TBX20: variants seen among roughly 807,000 people sequenced by gnomAD.
TBX20 encodes T-box transcription factor TBX20.
In TBX20, 8 loss-of-function variants were observed where a neutral mutation model predicts 42.9. The ratio of observed to expected loss-of-function variants is 0.19; its 90% confidence interval spans 0.11 to 0.34. TBX20 has a LOEUF of 0.34. Among genes scored for constraint, TBX20 ranks in the 10% least tolerant of loss-of-function variants. The pLI, the probability that TBX20 is intolerant of heterozygous loss-of-function variation, is 1.00. For synonymous variants in TBX20, 198 were observed against 222.8 expected, an observed-to-expected ratio of 0.89 and a Z score of 0.99; for missense variants, 411 against 566.0, an observed-to-expected ratio of 0.73 and a Z score of 2.78.
At chr7:35,225,869 T>C (rs1247652812) in intron 6 of TBX20, among the ~76,000 whole-genome samples, 1 of 152,174 alleles carries the variant, frequency 6.6e-6, no homozygotes, top group African/African-American at 2.4e-5. Flanking sequence ...CGATTGGGAT[T>C]TGCCATATCA....
chr7:35,210,821 G>A (rs1218677063), intron 6 of TBX20, among the ~76,000 whole-genome samples: 2 of 151,930 alleles, frequency 1.3e-5, no homozygotes, highest in Non-Finnish European at 2.9e-5. Context: ...ATATAATCAG[G>A]TCTTACTTTT....
intron 6 of TBX20, among the ~76,000 whole-genome samples, chr7:35,208,772 A>AAAAAAAAAAAAAAAAAC (rs1789444998): frequency 7.1e-6 from 1 of 140,682 alleles, no homozygotes; most frequent in Non-Finnish European, 1.6e-5. Flanking sequence ...AAAAAAAAAA[A>AAAAAAAAAAAAAAAAAC]AAAAAAAAAA....
intron 6 of TBX20, among the ~76,000 whole-genome samples, chr7:35,213,877 C>CAAAAAAAAA (rs59548164): frequency 2.5e-4 from 15 of 59,738 alleles, no homozygotes; most frequent in African/African-American, 7.4e-4. Context: ...GCAGAGATAG[C>CAAAAAAAAA]AAAAAAAAAA....
chr7:35,231,461 T>G, intron 6 of TBX20, 43 bp downstream of exon 6: 1 of 1,408,698 alleles, frequency 7.1e-7, no homozygotes, highest in Non-Finnish European at 1.0e-6. Flanking sequence ...CCTCTTCTCT[T>G]GATCTTATCT....
intron 3 of TBX20, among the ~76,000 whole-genome samples, chr7:35,245,339 T>TGTGTGC: frequency 6.6e-6 from 1 of 151,802 alleles, no homozygotes. Flanking sequence ...TGTGTGTGTG[T>TGTGTGC]GTGTGTGTGT....
chr7:35,216,802 G>A (rs1789598751), intron 6 of TBX20, among the ~76,000 whole-genome samples: 1 of 152,080 alleles, frequency 6.6e-6, no homozygotes, highest in Non-Finnish European at 1.5e-5. Flanking sequence ...TGTTCAAAGA[G>A]AAAATGTCAA....
At position 35,227,598 on chromosome 7, in the gene TBX20, G is replaced by A. The variant is rs1478229047; in HGVS notation, c.890+3906C>T. ...CAATAGGCCATACCAAATAGCCTAC[G>A]TGTGTAGTAGGCTGTACCATCTGGG... On this transcript the variant is annotated intron_variant, in intron 6 of 7. Coordinates refer to ENST00000408931, the MANE Select transcript of TBX20 (RefSeq NM_001077653.2). Among the ~76,000 whole-genome samples, 2 of 152,100 alleles carry A rather than the reference G, an allele frequency of 1.3e-5. 1 individual carries two copies. Among genetic ancestry groups the A allele is most frequent in the East Asian group, 3.9e-4 (2 of 5,186 alleles).
chr7:35,244,848 A>T, intron 4 of TBX20, 101 bp downstream of exon 4: 1 of 797,638 alleles, frequency 1.3e-6, no homozygotes, highest in East Asian at 2.6e-5. Flanking sequence ...GAAGGTGGGA[A>T]GGGGATAGGG....
chr7:35,225,927 T>A (rs888313297), intron 6 of TBX20, among the ~76,000 whole-genome samples: 3 of 152,240 alleles, frequency 2.0e-5, no homozygotes, highest in African/African-American at 7.2e-5. Flanking sequence ...TACAACCATA[T>A]GATACTGGCA....
In TBX20 at chr7:35,218,087, TAA is replaced by T. The variant is rs201593817; in HGVS notation, c.890+13415_890+13416del. On this transcript the variant is annotated intron_variant, in intron 6 of 7. Transcript: ENST00000408931. ...ATTTTATGCATGCAGACTTTTATAC[TAA>T]GTCTATCTTTGCAAAAGATTTAAAG... Among the ~76,000 whole-genome samples the T allele has an allele frequency of 3.5e-4, 54 of 152,322 alleles. 1 individual carries two copies. In the East Asian group the frequency reaches 9.3e-3, roughly 26 times the overall value.
intron 6 of TBX20, among the ~76,000 whole-genome samples, chr7:35,231,189 C>T (rs571903036): frequency 9.1e-4 from 139 of 152,270 alleles, no homozygotes; most frequent in African/African-American, 3.1e-3. Flanking sequence ...TATAGACTGC[C>T]ACTCATTGAG....
intron 6 of TBX20, among the ~76,000 whole-genome samples, chr7:35,215,175 C>G (rs1789563111): frequency 6.6e-6 from 1 of 152,134 alleles, no homozygotes; most frequent in South Asian, 2.1e-4. Context: ...ATTACTTACG[C>G]TAGTCTCTAG....
Position 35,253,890 on chromosome 7 carries a change from G to A in TBX20, c.-270C>T, listed in dbSNP as rs1428745493. The A allele has an allele frequency of 2.1e-6, 1 of 471,524 alleles. No individual in the cohort carries two copies. The highest frequency in any genetic ancestry group is 3.8e-6 in the Non-Finnish European group (1 of 261,704). 29.2% of individuals were successfully genotyped at this position (471,524 alleles called of 1,614,324 possible). A position where few individuals can be genotyped will look rare whatever the true frequency, so the allele number is the denominator to read the frequency against. ...CTACGGCGGGTGCGCACGCCCCGGG[G>A]CGCTCGGCAGGACGACAGTCTGCAC... is the stretch of plus-strand genomic sequence containing the variant. On this transcript the variant is annotated 5_prime_UTR_variant, in exon 1 of 8. Transcript: ENST00000408931.
rs759589726 is a variant in TBX20, at chr7:35,249,977, G to A, written c.354C>T (p.Thr118=). The A allele has an allele frequency of 9.9e-6, 16 of 1,609,420 alleles. No individual in the cohort carries two copies. In the Admixed American group the frequency reaches 1.3e-4, roughly 13 times the overall value. The change falls in exon 2 of 8, where the codon ACC becomes ACT. Residue 118 remains threonine, a synonymous_variant. Coordinates refer to ENST00000408931, the MANE Select transcript of TBX20 (RefSeq NM_001077653.2). The surrounding 1 kb of genome is among the most constrained non-coding windows in gnomAD (Gnocchi z 4.3). ...TGCCCGACTTGGTGATGATCATCTC[G>A]GTGCCCAGCTCATGGAATTTGTCCC... ...ELWDKFHELG[T]EMIITKSGRR...
chr7:35,242,675 G>C (rs146218676), intron 4 of TBX20, among the ~76,000 whole-genome samples: 92 of 152,166 alleles, frequency 6.0e-4, no homozygotes, highest in African/African-American at 2.1e-3. Context: ...TTTGGGAAAG[G>C]TTACTGGACA....
At position 35,249,208 on chromosome 7, in the gene TBX20, C is replaced by G. The variant is rs1451358765; in HGVS notation, c.381-367G>C. Among the ~76,000 whole-genome samples the G allele has an allele frequency of 1.8e-4, 28 of 152,272 alleles. No individual in the cohort carries two copies. The East Asian group carries it at 5.4e-3, about 29-fold the overall frequency. On this transcript the variant is annotated intron_variant, in intron 2 of 7. Coordinates refer to ENST00000408931, the MANE Select transcript of TBX20 (RefSeq NM_001077653.2). The surrounding 1 kb of genome is among the most constrained non-coding windows in gnomAD (Gnocchi z 4.3). ...AGGACCCGAAGTCCCTGGAGCTGACCCAGTCACACAACTCACCCGCATCCC... is the reference window on the plus strand; with the variant it reads ...AGGACCCGAAGTCCCTGGAGCTGACGCAGTCACACAACTCACCCGCATCCC...
chr7:35,226,255 T>C (rs1243465881), intron 6 of TBX20, among the ~76,000 whole-genome samples: 1 of 151,980 alleles, frequency 6.6e-6, no homozygotes, highest in Non-Finnish European at 1.5e-5. Context: ...ACAGATTTGG[T>C]GATAAAACCA....
At chr7:35,239,774 T>TG (rs1370423451) in intron 5 of TBX20, among the ~76,000 whole-genome samples, 1 of 151,942 alleles carries the variant, frequency 6.6e-6, no homozygotes, top group African/African-American at 2.4e-5. Context: ...TTTTTTGAGG[T>TG]GGGGTCTCGC....
At chr7:35,223,626 G>A (rs1789720414) in intron 6 of TBX20, among the ~76,000 whole-genome samples, 1 of 152,192 alleles carries the variant, frequency 6.6e-6, no homozygotes, top group South Asian at 2.1e-4. Context: ...CTGTGCCAAG[G>A]GCTGCTGACA....
Sources: allele counts gnomAD v4.1 joint callset (sites outside exome capture counted in the v4.1 genomes callset), GRCh38; gene constraint gnomAD v4.1.1; non-coding constraint Gnocchi (gnomAD v3.1); transcripts MANE v1.5; gene names NCBI Gene and HGNC (gene_info 2026-07-23, HGNC 2026-07-21).